Variants in EFNA5 observed in about 807,000 individuals in gnomAD.
The protein encoded by EFNA5 is ephrin-A5.
Under a neutral mutation model 22.9 loss-of-function variants are expected in EFNA5, and 5 were observed. The ratio of observed to expected loss-of-function variants is 0.22; its 90% CI spans 0.11 to 0.46. The LOEUF (loss-of-function observed/expected upper bound fraction) is 0.46, where lower values mean the gene tolerates loss of function less well. Among genes scored for constraint, EFNA5 ranks in the 20% least tolerant of loss-of-function variants. The pLI is 0.99. For missense variants in EFNA5, 237 were observed against 293.3 expected, an observed-to-expected ratio of 0.81 and a Z score of 1.40; for synonymous variants, 113 against 112.2, an observed-to-expected ratio of 1.01 and a Z score of -0.04.
chr5:107,398,811 T>A (rs1451198550), intron 2 of EFNA5, among the ~76,000 whole-genome samples: 1 of 126,150 alleles, frequency 7.9e-6, no homozygotes, highest in African/African-American at 3.1e-5. Context: ...GCCGTGTCTG[T>A]ACCACTGCAC....
At chr5:107,661,144 GA>G (rs35310160) in intron 1 of EFNA5, among the ~76,000 whole-genome samples, 49,118 of 143,926 alleles carry the variant, frequency 0.34, 8,874 homozygotes, top group South Asian at 0.53. Context: ...AGAAGAAGAA[GA>G]AAAAAAAAGT....
chr5:107,551,919 C>T (rs1189108803), intron 1 of EFNA5, among the ~76,000 whole-genome samples: 1 of 151,832 alleles, frequency 6.6e-6, no homozygotes. Context: ...AAAAAAAAGG[C>T]TGTTAAAGAT....
Position 107,629,361 on chromosome 5 carries a change from GCA to G in EFNA5, c.125+41126_125+41127del, listed in dbSNP as rs149151049. Among the ~76,000 whole-genome samples, 13 of 151,634 alleles carry G rather than the reference GCA, an allele frequency of 8.6e-5. No homozygotes were observed. In the South Asian group the frequency reaches 2.5e-3, roughly 29 times the overall value. On this transcript the variant is annotated intron_variant, in intron 1 of 4. Transcript: ENST00000333274. ...ATATATGTTAATGGAATACAAACAGGCACACACACACACATTGCATTTTGGGG... is the reference window on the plus strand; with the variant it reads ...ATATATGTTAATGGAATACAAACAGGCACACACACACATTGCATTTTGGGG...
At chr5:107,521,851 A>G (rs1747606440) in intron 1 of EFNA5, among the ~76,000 whole-genome samples, 1 of 151,946 alleles carries the variant, frequency 6.6e-6, no homozygotes, top group Admixed American at 6.6e-5. Flanking sequence ...AGTTCCCGCT[A>G]TGTTTTCCAG....
At chr5:107,541,135 G>T (rs1167511997) in intron 1 of EFNA5, among the ~76,000 whole-genome samples, 1 of 151,494 alleles carries the variant, frequency 6.6e-6, no homozygotes, top group Admixed American at 6.6e-5. Flanking sequence ...GAAAGAAAAA[G>T]AAAAAAATTA....
intron 1 of EFNA5, among the ~76,000 whole-genome samples, chr5:107,440,101 T>G (rs879172694): frequency 6.6e-6 from 1 of 152,172 alleles, no homozygotes; most frequent in Admixed American, 6.6e-5. Flanking sequence ...TTCATACAGC[T>G]GGATCCTCTA....
intron 1 of EFNA5, among the ~76,000 whole-genome samples, chr5:107,594,667 A>G (rs1471194271): frequency 1.3e-5 from 2 of 152,174 alleles, no homozygotes; most frequent in Non-Finnish European, 1.5e-5. Context: ...ATTTTTAGCT[A>G]CAAAGTCAGG....
chr5:107,533,824 A>G (rs1039012492), intron 1 of EFNA5, among the ~76,000 whole-genome samples: 1 of 152,176 alleles, frequency 6.6e-6, no homozygotes, highest in Non-Finnish European at 1.5e-5. Context: ...TTATCCTTTC[A>G]CCAAAATGCA....
intron 1 of EFNA5, among the ~76,000 whole-genome samples, chr5:107,552,583 C>T (rs1036553004): frequency 3.3e-5 from 5 of 152,170 alleles, no homozygotes; most frequent in South Asian, 4.1e-4. Context: ...CTACTTAGAG[C>T]AGGGCACTGT....
intron 1 of EFNA5, among the ~76,000 whole-genome samples, chr5:107,507,745 G>A (rs960306776): frequency 2.0e-5 from 3 of 152,164 alleles, no homozygotes; most frequent in Admixed American, 2.0e-4. Flanking sequence ...GCTGAGGTGG[G>A]AGAATCACTT....
chr5:107,602,989 C>G (rs985835414), intron 1 of EFNA5, among the ~76,000 whole-genome samples: 5 of 152,124 alleles, frequency 3.3e-5, no homozygotes, highest in Admixed American at 6.5e-5. Flanking sequence ...CTCGAAGGCT[C>G]CCGAGTGCAT....
At chr5:107,460,680 T>C (rs771410156) in intron 1 of EFNA5, among the ~76,000 whole-genome samples, 1 of 152,180 alleles carries the variant, frequency 6.6e-6, no homozygotes, top group African/African-American at 2.4e-5. Context: ...GACCTACTTC[T>C]GATATCTTAA....
At chr5:107,418,099 C>T (rs1748553524) in intron 2 of EFNA5, among the ~76,000 whole-genome samples, 1 of 152,174 alleles carries the variant, frequency 6.6e-6, no homozygotes. Flanking sequence ...TGTGTGCATG[C>T]TTGTGTAATT....
At chr5:107,566,818 C>T (rs1448708080) in intron 1 of EFNA5, among the ~76,000 whole-genome samples, 1 of 152,192 alleles carries the variant, frequency 6.6e-6, no homozygotes, top group Non-Finnish European at 1.5e-5. Flanking sequence ...TACTAAAGAA[C>T]AGAATATTGT....
At chr5:107,423,494 A>G (rs1484049185) in intron 2 of EFNA5, among the ~76,000 whole-genome samples, 4 of 151,520 alleles carry the variant, frequency 2.6e-5, no homozygotes, top group African/African-American at 9.7e-5. Context: ...CTCCTACCTC[A>G]GCCTCCCAAA....
intron 3 of EFNA5, 47 bp downstream of exon 3, chr5:107,387,659 G>C (rs775962970): frequency 1.4e-6 from 2 of 1,387,728 alleles, no homozygotes; most frequent in Non-Finnish European, 2.0e-6. Context: ...ACACAATAAA[G>C]CATGCGCGGT....
intron 1 of EFNA5, among the ~76,000 whole-genome samples, chr5:107,439,413 C>A (rs1419196951): frequency 6.6e-6 from 1 of 152,150 alleles, no homozygotes; most frequent in Non-Finnish European, 1.5e-5. Flanking sequence ...CTAATATGAG[C>A]AGTTTAACAT....
At chr5:107,414,221 G>T (rs1748447595) in intron 2 of EFNA5, among the ~76,000 whole-genome samples, 1 of 152,152 alleles carries the variant, frequency 6.6e-6, no homozygotes, top group African/African-American at 2.4e-5. Flanking sequence ...ATCATCTCCA[G>T]ACAGATCACG....
intron 1 of EFNA5, among the ~76,000 whole-genome samples, chr5:107,525,972 A>G (rs1561422173): frequency 6.6e-6 from 1 of 152,224 alleles, no homozygotes; most frequent in Non-Finnish European, 1.5e-5. Context: ...TTATTTAGTT[A>G]GCAATCATAT....
Sources: gnomAD v4.1 joint callset for allele counts (sites outside exome capture counted in the v4.1 genomes callset) on GRCh38, gnomAD v4.1.1 for gene constraint, MANE v1.5 for transcripts, NCBI Gene and HGNC (gene_info 2026-07-23, HGNC 2026-07-21) for gene names.